TLE7: variants seen among roughly 807,000 people sequenced by gnomAD.
TLE7 encodes transducin-like enhancer protein 7.
intron 1 of TLE7, among the ~76,000 whole-genome samples, chr16:71,440,912 C>G (rs1453358293): frequency 6.6e-6 from 1 of 152,168 alleles, no homozygotes; most frequent in Non-Finnish European, 1.5e-5. Context: ...ACGGGGAGCC[C>G]CAACTCCCCA....
chr16:71,433,917 C>T (rs940793554), intron 1 of TLE7, among the ~76,000 whole-genome samples: 3 of 152,172 alleles, frequency 2.0e-5, no homozygotes, highest in African/African-American at 7.2e-5. Context: ...GAGATCGTGC[C>T]ACTGCACTCC....
intron 1 of TLE7, among the ~76,000 whole-genome samples, chr16:71,440,554 G>A (rs917296364): frequency 1.1e-4 from 17 of 152,340 alleles, no homozygotes; most frequent in South Asian, 2.1e-4. Context: ...AACCAGACAT[G>A]GGGTCATGAG....
At position 71,431,193 on chromosome 16, in the gene TLE7, G is replaced by A. The variant is rs1251107394; in HGVS notation, c.1075C>T (p.Arg359Cys). Residue 359 changes from arginine (R) to cysteine (C), a missense_variant, in exon 8 of 10, where the codon CGT becomes TGT. By Grantham distance (180) the Arg-to-Cys change is radical. Coordinates refer to ENST00000561754, the MANE Select transcript of TLE7 (RefSeq NM_001367365.2). This position sits in a 1 kb window ranked among gnomAD's most constrained non-coding sequence, Gnocchi z 4.5. ...RTSDIVFLHTRRNEQFKALMK... is the reference protein window; with the variant it reads ...RTSDIVFLHTCRNEQFKALMK... ...AGAGCCTTAAACTGCTCATTCCGACGAGTGTGAAGGAACACGATATCACTC... is the reference window on the plus strand; with the variant it reads ...AGAGCCTTAAACTGCTCATTCCGACAAGTGTGAAGGAACACGATATCACTC... 7.5e-6 allele frequency: 3 copies of A among 400,558 alleles called. No homozygotes were observed. The highest frequency in any genetic ancestry group is 4.1e-5 in the African/African-American group (2 of 48,684). 24.8% of individuals were successfully genotyped at this position (400,558 alleles called of 1,614,324 possible). A position where few individuals can be genotyped will look rare whatever the true frequency, so the allele number is the denominator to read the frequency against.
Position 71,434,520 on chromosome 16 carries a change from C to T in TLE7, c.-96-1100G>A, listed in dbSNP as rs562408584. Reference sequence around the variant, plus strand: ...AGGCTCAATAGCTGGCTCTCAAACACCCACGAACTCTATGGCAAGCACCAG... The same window carrying T: ...AGGCTCAATAGCTGGCTCTCAAACATCCACGAACTCTATGGCAAGCACCAG... On this transcript the variant is annotated intron_variant, in intron 1 of 9. Coordinates refer to ENST00000561754, the MANE Select transcript of TLE7 (RefSeq NM_001367365.2). 1.4e-4 allele frequency among the ~76,000 whole-genome samples: 21 copies of T among 152,320 alleles called. No homozygotes were observed. The South Asian group carries it at 4.4e-3, about 32-fold the overall frequency.
chr16:71,433,142 G>A lies in TLE7; in HGVS notation c.183C>T (p.Ser61=). 1 of 398,776 alleles carries A rather than the reference G, an allele frequency of 2.5e-6. No individual in the cohort carries two copies. The highest frequency in any genetic ancestry group is 4.4e-6 in the Non-Finnish European group (1 of 226,192). The allele number at this position is 398,776 out of a possible 1,614,324, so 24.7% of individuals were successfully genotyped here. A position where few individuals can be genotyped will look rare whatever the true frequency, so the allele number is the denominator to read the frequency against. Residue 61 remains serine, a synonymous_variant, in exon 2 of 10, where the codon AGC becomes AGT. Coordinates refer to ENST00000561754, the MANE Select transcript of TLE7 (RefSeq NM_001367365.2). The part of the protein sequence containing the change: ...WQPPGPPIQH[S]PADQETSTVT... ...CCGTGCTTGTCTCTTGATCAGCAGG[G>A]CTGTGCTGTATTGGGGGGCCCGGGG...
Position 71,432,855 on chromosome 16 carries a change from A to G in TLE7, c.334+15T>C, listed in dbSNP as rs980138685. On this transcript the variant is annotated intron_variant, in intron 3 of 9. Transcript: ENST00000561754. Reference sequence around the variant, plus strand: ...AGCTTGGGCAACCACACGCACCACTATGACTGGTACTCACCAACCTCAGAA... The same window carrying G: ...AGCTTGGGCAACCACACGCACCACTGTGACTGGTACTCACCAACCTCAGAA... 4.0e-5 allele frequency: 16 copies of G among 399,106 alleles called. No individual in the cohort carries two copies. The highest frequency in any genetic ancestry group is 2.7e-4 in the African/African-American group (13 of 48,724). The allele number at this position is 399,106 out of a possible 1,614,324, so 24.7% of individuals were successfully genotyped here.
intron 1 of TLE7, among the ~76,000 whole-genome samples, chr16:71,433,828 C>G (rs753125165): frequency 6.6e-6 from 1 of 151,872 alleles, no homozygotes; most frequent in Non-Finnish European, 1.5e-5. Flanking sequence ...CATGATGGCA[C>G]GTGCCTGTAA....
At position 71,431,823 on chromosome 16, in the gene TLE7, G is replaced by C. The variant is rs936000657; in HGVS notation, c.789C>G (p.Ile263Met). Reference protein sequence around the residue: ...YSLAVSSDAHICLACFHGFVE... With the variant: ...YSLAVSSDAHMCLACFHGFVE... The stretch of plus-strand genomic sequence containing the variant: ...CAAATCCATGGAAACAAGCCAAACA[G>C]ATATGGGCATCAGAGGAGACAGCCA... Residue 263 changes from isoleucine (I) to methionine (M), a missense_variant, in exon 6 of 10, where the codon ATC becomes ATG. Ile to Met is a conservative substitution (Grantham distance 10, BLOSUM62 1). Transcript: ENST00000561754. The surrounding 1 kb of genome is among the most constrained non-coding windows in gnomAD (Gnocchi z 4.5). The C allele has an allele frequency of 5.0e-6, 2 of 400,690 alleles. No homozygotes were observed. Among genetic ancestry groups the C allele is most frequent in the African/African-American group, 4.1e-5 (2 of 48,670 alleles). The allele number at this position is 400,690 out of a possible 1,614,324, so 24.8% of individuals were successfully genotyped here.
At chr16:71,433,474 C>G in intron 1 of TLE7, 54 bp from the exon 2 acceptor site, 1 of 397,332 alleles carries the variant, frequency 2.5e-6, no homozygotes, top group East Asian at 3.6e-5. Context: ...TGTAGGGTCT[C>G]TTTAGAAGGG....
At chr16:71,437,194 CA>C (rs2042829403) in intron 1 of TLE7, among the ~76,000 whole-genome samples, 1 of 151,884 alleles carries the variant, frequency 6.6e-6, no homozygotes, top group Non-Finnish European at 1.5e-5. Flanking sequence ...ACTAGAAATA[CA>C]AAAATTAGCT....
intron 1 of TLE7, among the ~76,000 whole-genome samples, chr16:71,435,621 T>A: frequency 6.6e-6 from 1 of 152,176 alleles, no homozygotes; most frequent in East Asian, 1.9e-4. Context: ...GAGATGGAAA[T>A]TGGCAAATAG....
At chr16:71,434,597 T>C (rs1315637110) in intron 1 of TLE7, among the ~76,000 whole-genome samples, 5 of 152,206 alleles carry the variant, frequency 3.3e-5, no homozygotes, top group Admixed American at 2.6e-4. Context: ...AGAGTTTTAC[T>C]TCTCTGTGTG....
At chr16:71,433,893 G>A (rs753845824) in intron 1 of TLE7, among the ~76,000 whole-genome samples, 1 of 152,194 alleles carries the variant, frequency 6.6e-6, no homozygotes, top group Non-Finnish European at 1.5e-5. Context: ...AGGAGGCGGA[G>A]GTTGCACTGA....
chr16:71,433,370 G>T lies in TLE7; in HGVS notation c.-46C>A. 5.0e-6 allele frequency: 2 copies of T among 398,522 alleles called. No individual in the cohort carries two copies. The highest frequency in any genetic ancestry group is 2.6e-4 in the South Asian group (2 of 7,754). The allele number at this position is 398,522 out of a possible 1,614,324, so 24.7% of individuals were successfully genotyped here. A position where few individuals can be genotyped will look rare whatever the true frequency, so the allele number is the denominator to read the frequency against. On this transcript the variant is annotated 5_prime_UTR_variant, in exon 2 of 10. Coordinates refer to ENST00000561754, the MANE Select transcript of TLE7 (RefSeq NM_001367365.2). ...TCTGGACCACCCGGTTCTAGGACTT[G>T]ACAAATAGACCCGCCAAACAGACAC... is the stretch of plus-strand genomic sequence containing the variant.
intron 1 of TLE7, among the ~76,000 whole-genome samples, chr16:71,435,888 AC>A (rs11296526): frequency 0.014 from 2,178 of 152,126 alleles, 48 homozygotes; most frequent in African/African-American, 0.05. Context: ...CACTGCTCAG[AC>A]CCCCTTTTGG....
intron 1 of TLE7, among the ~76,000 whole-genome samples, chr16:71,433,865 G>A (rs2042816527): frequency 6.6e-6 from 1 of 152,076 alleles, no homozygotes; most frequent in Non-Finnish European, 1.5e-5. Flanking sequence ...GGCTGAGGCA[G>A]GAGAATCACT....
intron 1 of TLE7, among the ~76,000 whole-genome samples, chr16:71,437,251 A>ACTTG (rs2042829568): frequency 6.7e-6 from 1 of 150,342 alleles, no homozygotes; most frequent in Non-Finnish European, 1.5e-5. Flanking sequence ...TGGGAGGCTG[A>ACTTG]GGCACAAGAA....
At chr16:71,438,681 C>CAAAAAAAA in intron 1 of TLE7, among the ~76,000 whole-genome samples, 1 of 65,770 alleles carries the variant, frequency 1.5e-5, no homozygotes, top group African/African-American at 5.0e-5. Flanking sequence ...GACTCCATCT[C>CAAAAAAAA]AAAAAAAAAA....
chr16:71,432,289 T>C lies in TLE7; in HGVS notation c.430A>G (p.Arg144Gly). ...ACCTTCCAGGAGCCCTGTGGGGCCC[T>C]CTTCTGCCTGACCACAACTTCATCT... ...IPDEVVVRQK[R>G]APQGSWKVGT... The change falls in exon 5 of 10, where the codon AGG becomes GGG. Residue 144 changes from arginine (R) to glycine (G), a missense_variant. Physicochemically the swap from Arg to Gly is moderately radical, Grantham distance 125 (BLOSUM62 -2). Coordinates refer to ENST00000561754, the MANE Select transcript of TLE7 (RefSeq NM_001367365.2). 3 of 400,816 alleles carry C rather than the reference T, an allele frequency of 7.5e-6. No individual in the cohort carries two copies. The highest frequency in any genetic ancestry group is 4.4e-5 in the Admixed American group (1 of 22,742). 24.8% of individuals were successfully genotyped at this position (400,816 alleles called of 1,614,324 possible). A position where few individuals can be genotyped will look rare whatever the true frequency, so the allele number is the denominator to read the frequency against.
Sources: gnomAD v4.1 joint callset for allele counts (sites outside exome capture counted in the v4.1 genomes callset) on GRCh38, gnomAD v4.1.1 for gene constraint, Gnocchi (gnomAD v3.1) non-coding constraint, MANE v1.5 for transcripts, NCBI Gene and HGNC (gene_info 2026-07-23, HGNC 2026-07-21) for gene names.